The following LAMA4 variants were observed in gnomAD, a reference collection of about 807,000 sequenced individuals.
The protein encoded by LAMA4 is laminin subunit alpha 4, also known as laminin subunit alpha-4.
A neutral mutation model predicts 207.1 loss-of-function variants in LAMA4; 127 were observed. The ratio of observed to expected loss-of-function variants is 0.61; its 90% CI spans 0.53 to 0.71. The LOEUF (loss-of-function observed/expected upper bound fraction) is 0.71. Among genes scored for constraint, LAMA4 ranks in the 30% least tolerant of loss-of-function variants. The probability of loss-of-function intolerance (pLI) is 0.00; values close to 1 mark genes in which losing one functional copy is unlikely to be tolerated. For missense variants in LAMA4, 2,093 were observed against 2,246.5 expected, an observed-to-expected ratio of 0.93 and a Z score of 1.38; for synonymous variants, 761 against 816.0, an observed-to-expected ratio of 0.93 and a Z score of 1.15.
intron 37 of LAMA4, 147 bp from the exon 38 acceptor site, chr6:112,114,342 G>A: frequency 2.6e-6 from 2 of 763,936 alleles, no homozygotes; most frequent in Non-Finnish European, 4.4e-6. Flanking sequence ...CATCAATGAT[G>A]TCTAACAATG....
chr6:112,139,263 C>T lies in LAMA4; in HGVS notation c.3139G>A (p.Ala1047Thr), dbSNP rs782421597. The T allele has an allele frequency of 1.2e-6, 2 of 1,614,146 alleles. No individual in the cohort carries two copies. The highest frequency in any genetic ancestry group is 3.3e-5 in the Admixed American group (2 of 60,024). The change falls in exon 24 of 39, where the codon GCT becomes ACT. Residue 1047 changes from alanine (A) to threonine (T), a missense_variant. Ala to Thr is a moderately conservative substitution (Grantham distance 58). Around this residue, in one of 3 missense-constraint regions of LAMA4, gnomAD observed 1,704 missense variants for 1,788.4 expected, o/e 0.95. Transcript: ENST00000230538. ...GAGCCATCGAAGAAGTAACTGGCAG[C>T]CCGACTCTGAGTGAAGGCCAGCTTA... ...RDKLAFTQSR[A>T]ASYFFDGSGY...
chr6:112,150,600 C>T lies in LAMA4; in HGVS notation c.2084G>A (p.Ser695Asn). Reference protein sequence around the residue: ...SSSDEAVADTSRRVGGALARK... With the variant: ...SSSDEAVADTNRRVGGALARK... ...TGCTAGGGCTCCACCCACACGCCTGCTAGTGTCAGCCACTGCTTCATCACT... is the reference window on the plus strand; with the variant it reads ...TGCTAGGGCTCCACCCACACGCCTGTTAGTGTCAGCCACTGCTTCATCACT... The change falls in exon 17 of 39, where the codon AGC (serine) becomes AAC (asparagine). Residue 695 changes from serine (S) to asparagine (N), a missense_variant. Around this residue, in one of 3 missense-constraint regions of LAMA4, gnomAD observed 1,704 missense variants for 1,788.4 expected, o/e 0.95. Coordinates refer to ENST00000230538, the MANE Select transcript of LAMA4 (RefSeq NM_001105206.3). The T allele has an allele frequency of 2.5e-6, 4 of 1,613,954 alleles. No individual in the cohort carries two copies. Among genetic ancestry groups the T allele is most frequent in the Non-Finnish European group, 3.4e-6 (4 of 1,179,874 alleles).
intron 18 of LAMA4, among the ~76,000 whole-genome samples, chr6:112,145,869 T>G (rs1445983005): frequency 6.6e-6 from 1 of 152,184 alleles, no homozygotes; most frequent in African/African-American, 2.4e-5. Flanking sequence ...CAGGTTCTGC[T>G]TGCATTTCTA....
In LAMA4 at chr6:112,109,472, C is replaced by A; in HGVS notation, c.5437G>T (p.Gly1813Cys). Residue 1813 changes from glycine (G) to cysteine (C), a missense_variant, in exon 39 of 39, where the codon GGC becomes TGC. Gly to Cys is a radical substitution (Grantham distance 159). Transcript: ENST00000230538. ...VSFSKAALVS[G>C]AVSINSCPAA is the part of the protein sequence containing the mutation. ...GGACAGGAGTTGATGCTTACGGCGC[C>A]GCTGACCAGGGCTGCTTTACTGAAG... 6.2e-7 allele frequency: 1 copy of A among 1,614,056 alleles called. No individual in the cohort carries two copies. The highest frequency in any genetic ancestry group is 8.5e-7 in the Non-Finnish European group (1 of 1,180,006).
chr6:112,174,578 C>T (rs551423833), intron 11 of LAMA4, among the ~76,000 whole-genome samples: 17 of 152,284 alleles, frequency 1.1e-4, no homozygotes, highest in East Asian at 3.9e-4. Context: ...CTGCAACCTC[C>T]GCCTCCCAGG....
At position 112,144,888 on chromosome 6, in the gene LAMA4, C is replaced by A; in HGVS notation, c.2399G>T (p.Arg800Leu). Residue 800 changes from arginine (R) to leucine (L), a missense_variant, in exon 19 of 39, where the codon CGT (arginine) becomes CTT (leucine). Coordinates refer to ENST00000230538, the MANE Select transcript of LAMA4 (RefSeq NM_001105206.3). ...TGCAGGTCGCTTCTGCTCAACCGTA[C>A]GAAGCTGATCCAGGAGCTGAGGGAC... Reference protein sequence around the residue: ...EVVPQLLDQLRTVEQKRPASN... With the variant: ...EVVPQLLDQLLTVEQKRPASN... The A allele has an allele frequency of 1.9e-6, 3 of 1,613,964 alleles. No homozygotes were observed. The highest frequency in any genetic ancestry group is 2.5e-6 in the Non-Finnish European group (3 of 1,179,988).
chr6:112,253,776 T>C, intron 2 of LAMA4, 180 bp downstream of exon 2: 1 of 1,614,084 alleles, frequency 6.2e-7, no homozygotes, highest in Non-Finnish European at 8.5e-7. Flanking sequence ...ACTCTCAACA[T>C]CCAAATGCAA....
chr6:112,129,752 AG>A, intron 30 of LAMA4, 123 bp downstream of exon 30: 1 of 796,826 alleles, frequency 1.3e-6, no homozygotes, highest in East Asian at 2.7e-5. Flanking sequence ...AGCACATAAA[AG>A]CTTTTAATTA....
At chr6:112,203,911 T>G (rs1331509717) in intron 4 of LAMA4, among the ~76,000 whole-genome samples, 2 of 152,200 alleles carry the variant, frequency 1.3e-5, no homozygotes, top group Non-Finnish European at 2.9e-5. Context: ...TCAGTGCTCC[T>G]TTGAACCCTG....
At chr6:112,146,107 T>C (rs1780012670) in intron 18 of LAMA4, among the ~76,000 whole-genome samples, 1 of 152,074 alleles carries the variant, frequency 6.6e-6, no homozygotes, top group Non-Finnish European at 1.5e-5. Flanking sequence ...CTGGCCAACA[T>C]GGCAAAACCC....
chr6:112,183,937 C>A (rs1171487977), intron 9 of LAMA4, among the ~76,000 whole-genome samples: 1 of 115,228 alleles, frequency 8.7e-6, no homozygotes, highest in Admixed American at 1.2e-4. Context: ...GGCAACAAAG[C>A]GAGACTCCAT....
rs1182722224 is a variant in LAMA4 at position 112,118,632 on chromosome 6, C to G, written c.4821+524G>C. ...TGCAATATTTTTAATTTTTAAATTA[C>G]ACAAATAATATTTTTCTACTATATT... is the stretch of plus-strand genomic sequence containing the variant. On this transcript the variant is annotated intron_variant, in intron 34 of 38. Transcript: ENST00000230538. The surrounding 1 kb of genome is among the most constrained non-coding windows in gnomAD (Gnocchi z 4.6). Among the ~76,000 whole-genome samples, 1 of 151,938 alleles carries G rather than the reference C, an allele frequency of 6.6e-6. No individual in the cohort carries two copies. The highest frequency in any genetic ancestry group is 2.4e-5 in the African/African-American group (1 of 41,334).
At chr6:112,150,974 G>A (rs1024114548) in intron 16 of LAMA4, among the ~76,000 whole-genome samples, 3 of 152,146 alleles carry the variant, frequency 2.0e-5, no homozygotes, top group Admixed American at 6.5e-5. Flanking sequence ...ATGTGATAAC[G>A]ACTGGTTATA....
At position 112,111,763 on chromosome 6, in the gene LAMA4, A is replaced by G. The variant is rs587714665; in HGVS notation, c.5327-2181T>C. On this transcript the variant is annotated intron_variant, in intron 38 of 38. Coordinates refer to ENST00000230538, the MANE Select transcript of LAMA4 (RefSeq NM_001105206.3). ...GCTGGCTCATTAACTAAAGTTTGCT[A>G]TTCATTCTGTGTTTCAGGCAGGCTG... is the stretch of plus-strand genomic sequence containing the variant. Among the ~76,000 whole-genome samples, 82 of 152,234 alleles carry G rather than the reference A, an allele frequency of 5.4e-4. 1 individual carries two copies. The highest frequency in any genetic ancestry group is 1.7e-3 in the Admixed American group (26 of 15,294).
In LAMA4 at chr6:112,247,653, C is replaced by G. The variant is rs145713264; in HGVS notation, c.195+6303G>C. Among the ~76,000 whole-genome samples, 526 of 152,270 alleles carry G rather than the reference C, an allele frequency of 3.5e-3. 4 individuals are homozygous for G. The highest frequency in any genetic ancestry group is 0.012 in the African/African-American group (507 of 41,562). ...GTTTCTTTACCGAGCTAGATTCACT[C>G]AATTCTTTTTTACCTGGCCCCTATA... On this transcript the variant is annotated intron_variant, in intron 2 of 38. Coordinates refer to ENST00000230538, the MANE Select transcript of LAMA4 (RefSeq NM_001105206.3).
At chr6:112,192,305 A>T (rs1338758278) in intron 5 of LAMA4, among the ~76,000 whole-genome samples, 1 of 152,248 alleles carries the variant, frequency 6.6e-6, no homozygotes, top group African/African-American at 2.4e-5. Context: ...AGCTTGAGCC[A>T]TTCAGTGCCT....
intron 14 of LAMA4, 46 bp from the exon 15 acceptor site, chr6:112,155,752 G>T (rs782412343): frequency 1.3e-6 from 2 of 1,597,552 alleles, no homozygotes; most frequent in African/African-American, 1.3e-5. Flanking sequence ...ACCTTCTTGG[G>T]GAATGGGGCC....
chr6:112,213,823 T>C (rs1382922405), intron 3 of LAMA4: 2 of 408,954 alleles, frequency 4.9e-6, no homozygotes, highest in Non-Finnish European at 4.4e-6. Flanking sequence ...AGAGGTCTTA[T>C]ATGCCTTCAA....
chr6:112,163,409 C>A (rs782791551), intron 13 of LAMA4, among the ~76,000 whole-genome samples: 2 of 152,140 alleles, frequency 1.3e-5, no homozygotes, highest in African/African-American at 4.8e-5. Flanking sequence ...AAAATATTGA[C>A]CACTTAGAGG....
Sources: gnomAD v4.1 joint callset for allele counts (sites outside exome capture counted in the v4.1 genomes callset) on GRCh38, gnomAD v4.1.1 for gene constraint, gnomAD v4.1.1 regional missense constraint, Gnocchi (gnomAD v3.1) non-coding constraint, MANE v1.5 for transcripts, NCBI Gene and HGNC (gene_info 2026-07-23, HGNC 2026-07-21) for gene names.